Variants in TRERF1 observed in about 807,000 individuals in gnomAD.
TRERF1 encodes the protein transcriptional regulating factor 1.
TRERF1 carries 27 observed loss-of-function variants against 122.9 expected under a neutral mutation model. That is an observed-to-expected ratio of 0.22 (90% CI 0.16 to 0.30). The LOEUF (loss-of-function observed/expected upper bound fraction) is 0.30. Ranked by LOEUF, TRERF1 falls within the 10% of genes least tolerant of loss-of-function variation. TRERF1 has a pLI of 1.00. For synonymous variants in TRERF1, 636 were observed against 641.7 expected (o/e 0.99, Z 0.13); for missense variants, 1,248 against 1,560.3 (o/e 0.80, Z 3.37).
chr6:42,247,741 G>T (rs776541460), intron 13 of TRERF1, among the ~76,000 whole-genome samples: 1 of 152,170 alleles, frequency 6.6e-6, no homozygotes, highest in African/African-American at 2.4e-5. Flanking sequence ...CTACTTCTAA[G>T]GGGACTCCTA....
chr6:42,428,322 T>C (rs1261931804), intron 2 of TRERF1, among the ~76,000 whole-genome samples: 1 of 152,244 alleles, frequency 6.6e-6, no homozygotes, highest in Non-Finnish European at 1.5e-5. Flanking sequence ...TCTGCAGACT[T>C]GATTATTCAG....
chr6:42,340,755 C>T (rs571103488), intron 3 of TRERF1, among the ~76,000 whole-genome samples: 2 of 152,236 alleles, frequency 1.3e-5, no homozygotes, highest in African/African-American at 2.4e-5. Flanking sequence ...CGTGTGCCAC[C>T]GCACCCAGCG....
rs1769976542 is a variant in TRERF1 at position 42,228,937 on chromosome 6, C to T, written c.3279-268G>A. On this transcript the variant is annotated intron_variant, in intron 17 of 17. Transcript: ENST00000372922. The surrounding 1 kb of genome is among the most constrained non-coding windows in gnomAD (Gnocchi z 4.2). ...GGAATTCTCAAAGGCCTCCTGTCCA[C>T]CTGGAGTCTGGAGCACAGGCTCTTT... Among the ~76,000 whole-genome samples the T allele has an allele frequency of 6.6e-6, 1 of 152,206 alleles. No homozygotes were observed. Among genetic ancestry groups the T allele is most frequent in the Non-Finnish European group, 1.5e-5 (1 of 68,030 alleles).
In TRERF1 at chr6:42,264,764, A is replaced by G. The variant is rs777266622; in HGVS notation, c.1575T>C (p.Pro525=). Reference sequence around the variant, plus strand: ...GGGACCGCATGTGGCCATTCAGGGCAGGCAGGTTCTTGAACTCCTTCAGGC... The same window carrying G: ...GGGACCGCATGTGGCCATTCAGGGCGGGCAGGTTCTTGAACTCCTTCAGGC... Residue 525 remains proline (P), a synonymous_variant, in exon 7 of 18, where the codon CCT becomes CCC. Coordinates refer to ENST00000372922, the Ensembl canonical transcript of TRERF1. 6 of 1,614,254 alleles carry G rather than the reference A, an allele frequency of 3.7e-6. No individual in the cohort carries two copies. The Admixed American group carries it at 1.0e-4, about 27-fold the overall frequency.
At chr6:42,351,658 G>C (rs1769469403) in intron 3 of TRERF1, among the ~76,000 whole-genome samples, 1 of 152,094 alleles carries the variant, frequency 6.6e-6, no homozygotes, top group Admixed American at 6.5e-5. Context: ...TTTTCAGCAA[G>C]AAGCAGCTGC....
intron 3 of TRERF1, among the ~76,000 whole-genome samples, chr6:42,307,146 T>C (rs1787407120): frequency 6.6e-6 from 1 of 152,232 alleles, no homozygotes; most frequent in South Asian, 2.1e-4. Flanking sequence ...AGTAGGACCT[T>C]GCTCCCTTTG....
chr6:42,232,453 G>T lies in TRERF1; in HGVS notation c.3278+228C>A, dbSNP rs1000153988. On this transcript the variant is annotated intron_variant, in intron 17 of 17. Transcript: ENST00000372922. The surrounding 1 kb of genome is among the most constrained non-coding windows in gnomAD (Gnocchi z 4.5). ...AAGAGTGAAGTTTTGTAACTTACAG[G>T]TTCACTCTCTGAAGATATCCATCCT... Among the ~76,000 whole-genome samples, 3 of 151,974 alleles carry T rather than the reference G, an allele frequency of 2.0e-5. No homozygotes were observed. The highest frequency in any genetic ancestry group is 2.9e-5 in the Non-Finnish European group (2 of 67,978).
At chr6:42,448,917 C>T (rs1323723222) in intron 2 of TRERF1, among the ~76,000 whole-genome samples, 1 of 152,190 alleles carries the variant, frequency 6.6e-6, no homozygotes, top group Non-Finnish European at 1.5e-5. Context: ...ACCAACCCAC[C>T]CATTAAAGAA....
chr6:42,373,332 A>T (rs1367038225), intron 2 of TRERF1, among the ~76,000 whole-genome samples: 2 of 152,124 alleles, frequency 1.3e-5, no homozygotes, highest in Non-Finnish European at 2.9e-5. Flanking sequence ...GGGGAGTTCA[A>T]GACCAGCCTG....
chr6:42,367,321 G>A (rs1772929453), intron 2 of TRERF1, among the ~76,000 whole-genome samples: 1 of 152,150 alleles, frequency 6.6e-6, no homozygotes, highest in African/African-American at 2.4e-5. Flanking sequence ...AAGGATGGCA[G>A]AAGTCCGCAA....
chr6:42,277,561 T>A (rs73428826), intron 4 of TRERF1, among the ~76,000 whole-genome samples: 1 of 152,054 alleles, frequency 6.6e-6, no homozygotes, highest in African/African-American at 2.4e-5. Flanking sequence ...TAGAAGAGCA[T>A]TGGAAAAAGC....
chr6:42,387,462 C>A (rs1777003476), intron 2 of TRERF1, among the ~76,000 whole-genome samples: 1 of 152,226 alleles, frequency 6.6e-6, no homozygotes. Flanking sequence ...AAGTTACCCC[C>A]CATTTCCTTT....
At chr6:42,350,351 CCA>C (rs1334497563) in intron 3 of TRERF1, among the ~76,000 whole-genome samples, 16 of 152,212 alleles carry the variant, frequency 1.1e-4, no homozygotes, top group Non-Finnish European at 2.9e-5. Context: ...TTTCCCTGCG[CCA>C]CAGTTTGTGT....
rs567782570 is a variant in TRERF1, at chr6:42,256,643, T to C, written c.2580+85A>G. 2.5e-6 allele frequency: 3 copies of C among 1,181,114 alleles called. No individual in the cohort carries two copies. The African/African-American group carries it at 4.5e-5, about 18-fold the overall frequency. 73.2% of individuals were successfully genotyped at this position (1,181,114 alleles called of 1,614,324 possible). ...CATGCGCCGATTGGTCATTACAAATTGGTTGTATGGTACATGAGACAATAT... is the reference window on the plus strand; with the variant it reads ...CATGCGCCGATTGGTCATTACAAATCGGTTGTATGGTACATGAGACAATAT... On this transcript the variant is annotated intron_variant, in intron 12 of 17. Transcript: ENST00000372922.
intron 2 of TRERF1, among the ~76,000 whole-genome samples, chr6:42,400,284 T>C (rs926299011): frequency 2.6e-5 from 4 of 152,204 alleles, no homozygotes; most frequent in Non-Finnish European, 5.9e-5. Flanking sequence ...TACGGCTCCA[T>C]GTGATACAAC....
At chr6:42,446,174 G>A (rs1001744123) in intron 2 of TRERF1, among the ~76,000 whole-genome samples, 4 of 152,134 alleles carry the variant, frequency 2.6e-5, no homozygotes, top group Admixed American at 1.3e-4. Context: ...TCGGCCTCCC[G>A]AAGTGCTAGG....
intron 3 of TRERF1, among the ~76,000 whole-genome samples, chr6:42,349,152 T>A (rs978041565): frequency 2.6e-5 from 4 of 152,148 alleles, no homozygotes. Flanking sequence ...GTCTTCTGAA[T>A]CTCTCAATTT....
At chr6:42,338,420 G>T (rs1435090193) in intron 3 of TRERF1, among the ~76,000 whole-genome samples, 1 of 152,210 alleles carries the variant, frequency 6.6e-6, no homozygotes, top group Admixed American at 6.5e-5. Context: ...GTGCACAGAG[G>T]TATGAAATTC....
At chr6:42,290,778 A>G (rs1196458862) in intron 4 of TRERF1, among the ~76,000 whole-genome samples, 1 of 142,460 alleles carries the variant, frequency 7.0e-6, no homozygotes, top group East Asian at 2.0e-4. Flanking sequence ...CAGAAGAGTA[A>G]AAAGCTCATA....
Sources: gnomAD v4.1 joint callset for allele counts (sites outside exome capture counted in the v4.1 genomes callset) on GRCh38, gnomAD v4.1.1 for gene constraint, Gnocchi (gnomAD v3.1) non-coding constraint, MANE v1.5 for transcripts, NCBI Gene and HGNC (gene_info 2026-07-23, HGNC 2026-07-21) for gene names.